The following PIK3R6 variants were observed in gnomAD, a reference collection of about 807,000 sequenced individuals.
PIK3R6 encodes phosphoinositide-3-kinase regulatory subunit 6.
In PIK3R6, 91 loss-of-function variants were observed where a neutral mutation model predicts 84.9. The ratio of observed to expected loss-of-function variants is 1.07; its 90% CI spans 0.90 to 1.28. PIK3R6 has a LOEUF of 1.28. Ranked by LOEUF, PIK3R6 falls within the 50% of genes most tolerant of loss-of-function variation. The pLI is 0.00. For missense variants in PIK3R6, 996 were observed against 985.1 expected (o/e 1.01, Z -0.15); for synonymous variants, 416 against 411.4 (o/e 1.01, Z -0.13).
intron 18 of PIK3R6, 31 bp from the exon 19 acceptor site, chr17:8,804,184 T>C (rs2087131101): frequency 6.3e-7 from 1 of 1,581,546 alleles, no homozygotes; most frequent in African/African-American, 1.3e-5. Context: ...GTGTGAGTGT[T>C]GCCTTTGCTC....
chr17:8,838,689 A>G (rs2088567710), intron 3 of PIK3R6, 34 bp from the exon 4 acceptor site: 1 of 1,553,776 alleles, frequency 6.4e-7, no homozygotes, highest in East Asian at 2.4e-5. Flanking sequence ...CGGCATGAGC[A>G]GGTGGGCAGT....
chr17:8,856,022 C>T lies in PIK3R6; in HGVS notation c.-91-6137G>A, dbSNP rs907687139. 9.9e-5 allele frequency among the ~76,000 whole-genome samples: 15 copies of T among 152,190 alleles called. No homozygotes were observed. The East Asian group carries it at 1.2e-3, about 12-fold the overall frequency. On this transcript the variant is annotated intron_variant, in intron 1 of 19. Coordinates refer to ENST00000619866, the MANE Select transcript of PIK3R6 (RefSeq NM_001010855.4). ...AAAAAGAGAACTACGTGCAACGACA[C>T]GCGTGAATCTCAGAGACATGCTGAG...
intron 1 of PIK3R6, among the ~76,000 whole-genome samples, chr17:8,858,975 C>T (rs755442258): frequency 1.3e-5 from 2 of 152,226 alleles, no homozygotes; most frequent in East Asian, 1.9e-4. Context: ...TGCAGCCCTG[C>T]CTGGGCTGTG....
At chr17:8,828,518 C>G (rs1313182963) in intron 11 of PIK3R6, 49 bp downstream of exon 11, 2 of 1,585,888 alleles carry the variant, frequency 1.3e-6, no homozygotes, top group East Asian at 4.5e-5. Context: ...CCAGGCCCAC[C>G]TGTGCCCCTG....
At chr17:8,822,899 GT>G (rs1304388497) in intron 15 of PIK3R6, 96 bp downstream of exon 15, 1 of 1,089,232 alleles carries the variant, frequency 9.2e-7, no homozygotes, top group Non-Finnish European at 1.4e-6. Flanking sequence ...CACTGAGGGT[GT>G]GGGCGTGCAG....
intron 1 of PIK3R6, among the ~76,000 whole-genome samples, chr17:8,864,752 T>C (rs2089368113): frequency 6.6e-6 from 1 of 152,016 alleles, no homozygotes; most frequent in South Asian, 2.1e-4. Context: ...TTGGCCAGGA[T>C]GGTCTCGATC....
At position 8,844,883 on chromosome 17, in the gene PIK3R6, C is replaced by T. The variant is rs183094664; in HGVS notation, c.13+4899G>A. Among the ~76,000 whole-genome samples, 341 of 152,188 alleles carry T rather than the reference C, an allele frequency of 2.2e-3. 3 individuals carry two copies. The highest frequency in any genetic ancestry group is 7.8e-3 in the African/African-American group (325 of 41,528). On this transcript the variant is annotated intron_variant, in intron 2 of 19. Transcript: ENST00000619866. The surrounding 1 kb of genome is among the most constrained non-coding windows in gnomAD (Gnocchi z 4.5). ...GTTGCCATCTTTGTGTCCATGAGTA[C>T]CCAAAGTTTAGCTCCCACCTATAAG...
intron 10 of PIK3R6, among the ~76,000 whole-genome samples, chr17:8,829,501 GACAC>G (rs10608110): frequency 2.4e-4 from 30 of 123,184 alleles, no homozygotes; most frequent in African/African-American, 4.2e-4. Context: ...CACACACACT[GACAC>G]ACACTCATGC....
chr17:8,804,033 A>G lies in PIK3R6; in HGVS notation c.2108+8T>C. On this transcript the variant is annotated splice_region_variant and intron_variant, in intron 19 of 19. Coordinates refer to ENST00000619866, the MANE Select transcript of PIK3R6 (RefSeq NM_001010855.4). Reference sequence around the variant, plus strand: ...CTGGACATCTAGGGTTGGCAGGCCCAGCCTCACCTGACCACATCCCTGAAA... The same window carrying G: ...CTGGACATCTAGGGTTGGCAGGCCCGGCCTCACCTGACCACATCCCTGAAA... 1 of 1,611,978 alleles carries G rather than the reference A, an allele frequency of 6.2e-7. No homozygotes were observed. Among genetic ancestry groups the G allele is most frequent in the Non-Finnish European group, 8.5e-7 (1 of 1,178,042 alleles).
In PIK3R6 at chr17:8,822,943, T is replaced by A. The variant is rs1431354739; in HGVS notation, c.1717+53A>T. The A allele has an allele frequency of 3.5e-6, 5 of 1,418,280 alleles. No homozygotes were observed. The East Asian group carries it at 1.1e-4, about 32-fold the overall frequency. 87.9% of individuals were successfully genotyped at this position (1,418,280 alleles called of 1,614,324 possible). A position where few individuals can be genotyped will look rare whatever the true frequency, so the allele number is the denominator to read the frequency against. On this transcript the variant is annotated intron_variant, in intron 15 of 19. Transcript: ENST00000619866. Reference sequence around the variant, plus strand: ...CAGGTGAGAGGTGGAAGGATGAGAGTTTGGAGAAGCTGAGTCAGGGTGACC... The same window carrying A: ...CAGGTGAGAGGTGGAAGGATGAGAGATTGGAGAAGCTGAGTCAGGGTGACC...
chr17:8,825,279 G>A (rs1448734331), intron 13 of PIK3R6, among the ~76,000 whole-genome samples: 1 of 152,056 alleles, frequency 6.6e-6, no homozygotes, highest in South Asian at 2.1e-4. Flanking sequence ...AATTTCAATC[G>A]AAATCCAATA....
At chr17:8,829,584 TGACACACA>T (rs2088150026) in intron 10 of PIK3R6, 114 bp downstream of exon 10, 1 of 926,698 alleles carries the variant, frequency 1.1e-6, no homozygotes, top group African/African-American at 2.4e-5. Flanking sequence ...ACAGACACAC[TGACACACA>T]CTCATGCATA....
intron 1 of PIK3R6, among the ~76,000 whole-genome samples, chr17:8,863,479 A>T (rs2089328045): frequency 6.6e-6 from 1 of 152,132 alleles, no homozygotes; most frequent in Non-Finnish European, 1.5e-5. Context: ...CCATCTAATG[A>T]AAACTTCATA....
chr17:8,809,385 T>G (rs1276020879), intron 18 of PIK3R6, among the ~76,000 whole-genome samples: 1 of 152,142 alleles, frequency 6.6e-6, no homozygotes, highest in Non-Finnish European at 1.5e-5. Flanking sequence ...ATAAAACAAT[T>G]ACACAAGACT....
At chr17:8,824,509 C>T (rs1351929950) in intron 13 of PIK3R6, among the ~76,000 whole-genome samples, 1 of 152,148 alleles carries the variant, frequency 6.6e-6, no homozygotes, top group Non-Finnish European at 1.5e-5. Context: ...AATATTGTTC[C>T]CTTCGAAAGG....
At chr17:8,863,997 A>T (rs1032089061) in intron 1 of PIK3R6, among the ~76,000 whole-genome samples, 3 of 152,182 alleles carry the variant, frequency 2.0e-5, no homozygotes, top group Non-Finnish European at 4.4e-5. Flanking sequence ...TTTTTAAGGG[A>T]CAGCGTTTGG....
intron 10 of PIK3R6, among the ~76,000 whole-genome samples, 180 bp downstream of exon 10, chr17:8,829,526 A>C (rs1567588591): frequency 3.2e-5 from 3 of 94,460 alleles, no homozygotes; most frequent in Non-Finnish European, 7.8e-5. Flanking sequence ...ATACACACAC[A>C]CTGACACACG....
At position 8,811,174 on chromosome 17, in the gene PIK3R6, C is replaced by T. The variant is rs531349616; in HGVS notation, c.1996-7021G>A. ...ATGAAAGCTGCCAAGCCTTAGGGCTCGCACCCTCTAAAGCCATGGCCCGAG... is the reference window on the plus strand; with the variant it reads ...ATGAAAGCTGCCAAGCCTTAGGGCTTGCACCCTCTAAAGCCATGGCCCGAG... On this transcript the variant is annotated intron_variant, in intron 18 of 19. Transcript: ENST00000619866. 6.1e-5 allele frequency among the ~76,000 whole-genome samples: 9 copies of T among 147,186 alleles called. 1 individual carries two copies. Among genetic ancestry groups the T allele is most frequent in the South Asian group, 2.3e-4 (1 of 4,354 alleles).
chr17:8,821,961 G>A (rs2151209366), intron 16 of PIK3R6, 25 bp from the exon 17 acceptor site: 1 of 1,538,426 alleles, frequency 6.5e-7, no homozygotes, highest in South Asian at 1.2e-5. Context: ...CGAGGAACAG[G>A]TGGAGGTGCT....
Sources: gnomAD v4.1 joint callset for allele counts (sites outside exome capture counted in the v4.1 genomes callset) on GRCh38, gnomAD v4.1.1 for gene constraint, Gnocchi (gnomAD v3.1) non-coding constraint, MANE v1.5 for transcripts, NCBI Gene and HGNC (gene_info 2026-07-23, HGNC 2026-07-21) for gene names.